VEGFA: variants seen among roughly 807,000 people sequenced by gnomAD.
The protein encoded by VEGFA is vascular endothelial growth factor A, long form.
A neutral mutation model predicts 49.7 loss-of-function variants in VEGFA; 20 were observed. That is an observed-to-expected ratio of 0.40 (90% CI 0.28 to 0.58). The LOEUF (loss-of-function observed/expected upper bound fraction) is 0.58, where lower values mean the gene tolerates loss of function less well. VEGFA is among the 20% of genes least tolerant of loss of function. The pLI is 0.40. For missense variants in VEGFA, 505 were observed against 553.5 expected, an observed-to-expected ratio of 0.91 and a Z score of 0.88; for synonymous variants, 219 against 223.4, an observed-to-expected ratio of 0.98 and a Z score of 0.18.
At position 43,770,390 on chromosome 6, in the gene VEGFA, A is replaced by C. The variant is rs1763222919; in HGVS notation, c.-317A>C. On this transcript the variant is annotated 5_prime_UTR_variant, in exon 1 of 8. Coordinates refer to ENST00000672860, the MANE Select transcript of VEGFA (RefSeq NM_003376.6). ...TTATCCCTCTTCTTTTTTCTTAAAC[A>C]TTTTTTTTTAAAACTGTATTGTTTC... is the stretch of plus-strand genomic sequence containing the variant. 2.7e-6 allele frequency: 1 copy of C among 369,982 alleles called. No individual in the cohort carries two copies. The allele number at this position is 369,982 out of a possible 1,614,324, so 22.9% of individuals were successfully genotyped here. A position where few individuals can be genotyped will look rare whatever the true frequency, so the allele number is the denominator to read the frequency against.
At chr6:43,780,664 C>T in intron 5 of VEGFA, 68 bp from the exon 6 acceptor site, 1 of 1,558,612 alleles carries the variant, frequency 6.4e-7, no homozygotes, top group Non-Finnish European at 8.8e-7. Context: ...TCCCTGCCCA[C>T]CTTACCACTT....
intron 6 of VEGFA, chr6:43,781,302 C>T (rs967427375): frequency 3.5e-6 from 1 of 286,022 alleles, no homozygotes; most frequent in Non-Finnish European, 6.8e-6. Flanking sequence ...CATGTGGCGG[C>T]CTCCCTTCAT....
In VEGFA at chr6:43,784,781, C is replaced by T. The variant is rs578064053; in HGVS notation, c.*219C>T. ...GGCGAGACTCCGGCGGAAGCATTCC[C>T]GGGCGGGTGACCCAGCACGGTCCCT... is the stretch of plus-strand genomic sequence containing the variant. On this transcript the variant is annotated 3_prime_UTR_variant, in exon 8 of 8. Transcript: ENST00000672860. The T allele has an allele frequency of 2.2e-4, 176 of 804,396 alleles. 2 individuals carry two copies. The highest frequency in any genetic ancestry group is 2.2e-3 in the Middle Eastern group (9 of 4,180). The allele number at this position is 804,396 out of a possible 1,614,324, so 49.8% of individuals were successfully genotyped here. A position where few individuals can be genotyped will look rare whatever the true frequency, so the allele number is the denominator to read the frequency against.
Position 43,777,064 on chromosome 6 carries a change from A to T in VEGFA, c.659-405A>T. 2.8e-6 allele frequency: 1 copy of T among 352,300 alleles called. No homozygotes were observed. The highest frequency in any genetic ancestry group is 2.3e-5 in the South Asian group (1 of 44,136). 21.8% of individuals were successfully genotyped at this position (352,300 alleles called of 1,614,324 possible). A position where few individuals can be genotyped will look rare whatever the true frequency, so the allele number is the denominator to read the frequency against. Reference sequence around the variant, plus strand: ...TAGTGGTTGTGGGGAGGACGTAGGAAACTGGAGACTAGCTTGGCAAAGCTG... The same window carrying T: ...TAGTGGTTGTGGGGAGGACGTAGGATACTGGAGACTAGCTTGGCAAAGCTG... On this transcript the variant is annotated intron_variant, in intron 2 of 7. Coordinates refer to ENST00000672860, the MANE Select transcript of VEGFA (RefSeq NM_003376.6). The surrounding 1 kb of genome is among the most constrained non-coding windows in gnomAD (Gnocchi z 4.3).
rs1443465532 is a variant in VEGFA, at chr6:43,774,362, G to C, written c.628G>C (p.Ala210Pro). ...TCAGTGGTCCCAGGCTGCACCCATGGCAGAAGGAGGAGGGCAGAATCATCA... is the reference window on the plus strand; with the variant it reads ...TCAGTGGTCCCAGGCTGCACCCATGCCAGAAGGAGGAGGGCAGAATCATCA... The change falls in exon 2 of 8, where the codon GCA becomes CCA. Residue 210 changes from alanine (A) to proline (P), a missense_variant. By Grantham distance (27) the Ala-to-Pro change is conservative. This residue lies in a region of VEGFA where 340 missense variants were observed against 321.8 expected (regional missense o/e 1.06). Transcript: ENST00000672860. The C allele has an allele frequency of 6.2e-7, 1 of 1,614,062 alleles. No individual in the cohort carries two copies. The highest frequency in any genetic ancestry group is 8.5e-7 in the Non-Finnish European group (1 of 1,180,034).
rs1187507161 is a variant in VEGFA at position 43,777,639 on chromosome 6, A to G, written c.829A>G (p.Thr277Ala). 2.1e-6 allele frequency: 3 copies of G among 1,415,546 alleles called. No individual in the cohort carries two copies. The highest frequency in any genetic ancestry group is 1.5e-5 in the African/African-American group (1 of 68,178). The allele number at this position is 1,415,546 out of a possible 1,614,324, so 87.7% of individuals were successfully genotyped here. A position where few individuals can be genotyped will look rare whatever the true frequency, so the allele number is the denominator to read the frequency against. Residue 277 changes from threonine to alanine, a missense_variant, in exon 3 of 8, where the codon ACT becomes GCT. Thr to Ala is a moderately conservative substitution (Grantham distance 58, BLOSUM62 0). Transcript: ENST00000672860. The surrounding 1 kb of genome is among the most constrained non-coding windows in gnomAD (Gnocchi z 4.3). Reference sequence around the variant, plus strand: ...TGACGAGGGCCTGGAGTGTGTGCCCACTGAGGAGTCCAACATCACCATGCA... The same window carrying G: ...TGACGAGGGCCTGGAGTGTGTGCCCGCTGAGGAGTCCAACATCACCATGCA...
At position 43,770,590 on chromosome 6, in the gene VEGFA, C is replaced by G. The variant is rs1284595514; in HGVS notation, c.-117C>G. The G allele has an allele frequency of 1.4e-6, 2 of 1,412,706 alleles. No individual in the cohort carries two copies. The highest frequency in any genetic ancestry group is 1.8e-6 in the Non-Finnish European group (2 of 1,089,092). 87.5% of individuals were successfully genotyped at this position (1,412,706 alleles called of 1,614,324 possible). A position where few individuals can be genotyped will look rare whatever the true frequency, so the allele number is the denominator to read the frequency against. On this transcript the variant is annotated 5_prime_UTR_variant, in exon 1 of 8. Coordinates refer to ENST00000672860, the MANE Select transcript of VEGFA (RefSeq NM_003376.6). ...GAGAGAGACGGGGTCAGAGAGAGCG[C>G]GCGGGCGTGCGAGCAGCGAAAGCGA...
chr6:43,779,166 G>A, intron 5 of VEGFA: 1 of 598,536 alleles, frequency 1.7e-6, no homozygotes. Flanking sequence ...TGGGTCTCCA[G>A]ATCATTCCTG....
At chr6:43,771,430 G>A in intron 1 of VEGFA, 118 bp downstream of exon 1, 2 of 1,042,456 alleles carry the variant, frequency 1.9e-6, no homozygotes, top group East Asian at 5.9e-5. Context: ...ATGGGCACCA[G>A]GCGTGCGGCG....
At chr6:43,771,978 T>C in intron 1 of VEGFA, 1 of 983,606 alleles carries the variant, frequency 1.0e-6, no homozygotes, top group Non-Finnish European at 1.2e-6. Flanking sequence ...GCGGAGCCGA[T>C]TACATCAGCC....
At position 43,771,151 on chromosome 6, in the gene VEGFA, G is replaced by C. The variant is rs1295263390; in HGVS notation, c.445G>C (p.Val149Leu). The change falls in exon 1 of 8, where the codon GTA becomes CTA. Residue 149 changes from valine (V) to leucine (L), a missense_variant. By Grantham distance (32) the Val-to-Leu change is conservative. Coordinates refer to ENST00000672860, the MANE Select transcript of VEGFA (RefSeq NM_003376.6). The stretch of plus-strand genomic sequence containing the variant: ...CCGGGCCTCGGGCCGGGGAGGAAGA[G>C]TAGCTCGCCGAGGCGCCGAGGAGAG... 6.5e-6 allele frequency: 10 copies of C among 1,540,302 alleles called. No homozygotes were observed. The South Asian group carries it at 1.2e-4, about 18-fold the overall frequency.
intron 1 of VEGFA, 82 bp from the exon 2 acceptor site, chr6:43,774,259 G>A: frequency 6.9e-7 from 1 of 1,441,562 alleles, no homozygotes; most frequent in Non-Finnish European, 9.7e-7. Context: ...AGGGAAGTGA[G>A]GAGGGAGGAG....
At chr6:43,780,662 C>T (rs1210206835) in intron 5 of VEGFA, 70 bp from the exon 6 acceptor site, 11 of 1,553,984 alleles carry the variant, frequency 7.1e-6, no homozygotes, top group Non-Finnish European at 9.7e-6. Flanking sequence ...CATCCCTGCC[C>T]ACCTTACCAC....
At chr6:43,780,848 G>T in intron 6 of VEGFA, 45 bp downstream of exon 6, 3 of 1,613,118 alleles carry the variant, frequency 1.9e-6, no homozygotes, top group East Asian at 2.2e-5. Context: ...AGCCTCCCTG[G>T]CCCCCAGTAC....
chr6:43,774,029 A>C, intron 1 of VEGFA: 6 of 470,158 alleles, frequency 1.3e-5, no homozygotes, highest in East Asian at 3.9e-5. Flanking sequence ...GGGAGAGGGA[A>C]GTGTGGGGAA....
intron 6 of VEGFA, chr6:43,781,528 T>C: frequency 3.2e-6 from 1 of 312,070 alleles, no homozygotes; most frequent in South Asian, 2.8e-5. Context: ...CACCCTACTT[T>C]AGCCCACCTT....
At position 43,778,395 on chromosome 6, in the gene VEGFA, G is replaced by A. The variant is rs1341679930; in HGVS notation, c.856-65G>A. On this transcript the variant is annotated intron_variant, in intron 3 of 7. Coordinates refer to ENST00000672860, the MANE Select transcript of VEGFA (RefSeq NM_003376.6). ...GGTGCTGAGTGGCAGGAGCCCCAGG[G>A]TTGTCCCATCTGGGTATGGCTGGCT... 4 of 1,436,270 alleles carry A rather than the reference G, an allele frequency of 2.8e-6. No homozygotes were observed. In the African/African-American group the frequency reaches 4.2e-5, roughly 15 times the overall value. 89.0% of individuals were successfully genotyped at this position (1,436,270 alleles called of 1,614,324 possible). A position where few individuals can be genotyped will look rare whatever the true frequency, so the allele number is the denominator to read the frequency against.
Position 43,777,711 on chromosome 6 carries a change from G to GCCCCCCCCCCCCCCC in VEGFA, c.855+46_855+47insCCCCCCCCCCCCCCC. 1 of 588,466 alleles carries GCCCCCCCCCCCCCCC rather than the reference G, an allele frequency of 1.7e-6. No individual in the cohort carries two copies. Among genetic ancestry groups the GCCCCCCCCCCCCCCC allele is most frequent in the South Asian group, 1.4e-5 (1 of 69,416 alleles). 36.5% of individuals were successfully genotyped at this position (588,466 alleles called of 1,614,324 possible). ...GGGCAAGGGGGGGATAGGGAGGGGG[G>GCCCCCCCCCCCCCCC]TAACACTTTGGGAACAGGTGGTCCC... On this transcript the variant is annotated intron_variant, in intron 3 of 7. Transcript: ENST00000672860. This position sits in a 1 kb window ranked among gnomAD's most constrained non-coding sequence, Gnocchi z 4.3.
At chr6:43,781,113 C>T (rs1767540454) in intron 6 of VEGFA, 1 of 587,710 alleles carries the variant, frequency 1.7e-6, no homozygotes, top group African/African-American at 1.9e-5. Flanking sequence ...GTGGCGGGCC[C>T]ATGTTGGCAC....
Sources: allele counts gnomAD v4.1 joint callset, GRCh38; gene constraint gnomAD v4.1.1; regional missense constraint gnomAD v4.1.1; non-coding constraint Gnocchi (gnomAD v3.1); transcripts MANE v1.5; gene names NCBI Gene and HGNC (gene_info 2026-07-23, HGNC 2026-07-21).